TNKS: variants seen among roughly 807,000 people sequenced by gnomAD.
The protein encoded by TNKS is tankyrase, also known as poly [ADP-ribose] polymerase tankyrase-1.
In TNKS, 72 loss-of-function variants were observed where a neutral mutation model predicts 135.8. The observed-to-expected ratio is 0.53, with a 90% CI of 0.44 to 0.64. The LOEUF is 0.64. Ranked by LOEUF, TNKS falls within the 30% of genes least tolerant of loss-of-function variation. The pLI, the probability that TNKS is intolerant of heterozygous loss-of-function variation, is 0.00. For missense variants in TNKS, 1,769 were observed against 1,674.0 expected (o/e 1.06, Z -0.99); for synonymous variants, 849 against 649.3 (o/e 1.31, Z -4.68).
intron 14 of TNKS, 61 bp downstream of exon 14, chr8:9,731,096 A>C: frequency 4.9e-6 from 7 of 1,442,880 alleles, no homozygotes; most frequent in Non-Finnish European, 6.4e-6. Context: ...AATTTAAAAT[A>C]TTTTTGAAGT....
intron 2 of TNKS, among the ~76,000 whole-genome samples, chr8:9,614,497 TG>T (rs1340642821): frequency 1.3e-5 from 2 of 152,202 alleles, no homozygotes; most frequent in Admixed American, 6.5e-5. Context: ...ATTGATTTTA[TG>T]GCTAATACAT....
intron 11 of TNKS, 61 bp downstream of exon 11, chr8:9,710,281 A>G (rs556142706): frequency 2.7e-6 from 4 of 1,478,484 alleles, no homozygotes; most frequent in Middle Eastern, 1.7e-4. Context: ...TGCTCTTAAC[A>G]CTGCTTCTCT....
intron 3 of TNKS, among the ~76,000 whole-genome samples, chr8:9,667,796 A>C (rs1162889267): frequency 6.8e-6 from 1 of 147,922 alleles, no homozygotes; most frequent in Non-Finnish European, 1.5e-5. Context: ...CATTGACTTT[A>C]GTGAAGTCTG....
chr8:9,735,328 T>A, intron 16 of TNKS, 49 bp from the exon 17 acceptor site: 6 of 1,535,272 alleles, frequency 3.9e-6, no homozygotes, highest in Non-Finnish European at 4.5e-6. Context: ...GTATGTATTT[T>A]TTTTCCTTTA....
chr8:9,703,435 T>G (rs1205320856), intron 5 of TNKS, among the ~76,000 whole-genome samples: 1 of 152,230 alleles, frequency 6.6e-6, no homozygotes, highest in African/African-American at 2.4e-5. Context: ...ATCTCCATTT[T>G]ATACATGAAG....
intron 3 of TNKS, among the ~76,000 whole-genome samples, chr8:9,673,196 T>TA (rs1393340992): frequency 2.0e-5 from 3 of 152,182 alleles, no homozygotes; most frequent in Non-Finnish European, 2.9e-5. Flanking sequence ...TCTTAGATGT[T>TA]ACTCGTACTA....
intron 5 of TNKS, among the ~76,000 whole-genome samples, chr8:9,694,130 G>A (rs1160898518): frequency 6.6e-6 from 1 of 152,080 alleles, no homozygotes; most frequent in Non-Finnish European, 1.5e-5. Flanking sequence ...GAAATGCATC[G>A]AACATCACAC....
chr8:9,679,978 A>T lies in TNKS; in HGVS notation c.1022A>T (p.Glu341Val), dbSNP rs1009050172. ...GAATACAAGAAAGACGAACTCCTAG[A>T]AGCTGCTAGGTAAGTGATTCCATTC... ...TGEYKKDELL[E>V]AARSGNEEKL... The change falls in exon 4 of 27, where the codon GAA becomes GTA. Residue 341 changes from glutamate to valine, a missense_variant. Physicochemically the swap from Glu to Val is moderately radical, Grantham distance 121. Coordinates refer to ENST00000310430, the MANE Select transcript of TNKS (RefSeq NM_003747.3). 1.2e-6 allele frequency: 2 copies of T among 1,611,998 alleles called. No individual in the cohort carries two copies. Among genetic ancestry groups the T allele is most frequent in the African/African-American group, 2.7e-5 (2 of 74,900 alleles).
At chr8:9,587,404 T>C (rs1247381265) in intron 2 of TNKS, among the ~76,000 whole-genome samples, 1 of 151,698 alleles carries the variant, frequency 6.6e-6, no homozygotes, top group Non-Finnish European at 1.5e-5. Flanking sequence ...TTGATTTTTT[T>C]TTTTTTTTTT....
intron 3 of TNKS, among the ~76,000 whole-genome samples, chr8:9,654,174 G>A (rs1217004746): frequency 6.6e-6 from 1 of 152,152 alleles, no homozygotes; most frequent in Non-Finnish European, 1.5e-5. Flanking sequence ...CTGTGATTGG[G>A]AACTGCACCA....
At chr8:9,632,173 C>T (rs1300432043) in intron 3 of TNKS, among the ~76,000 whole-genome samples, 4 of 152,136 alleles carry the variant, frequency 2.6e-5, no homozygotes, top group African/African-American at 9.7e-5. Context: ...AATTCAACTG[C>T]AGTTTTTGCC....
chr8:9,714,482 A>C (rs1036136131), intron 11 of TNKS, among the ~76,000 whole-genome samples: 1 of 152,124 alleles, frequency 6.6e-6, no homozygotes, highest in Non-Finnish European at 1.5e-5. Context: ...CCCTTTAATT[A>C]TCTAAATTTT....
chr8:9,625,138 G>T (rs566467447), intron 3 of TNKS, among the ~76,000 whole-genome samples: 84 of 152,088 alleles, frequency 5.5e-4, no homozygotes, highest in Non-Finnish European at 9.4e-4. Flanking sequence ...ATTTCTTCTT[G>T]TGTGAGTCTT....
intron 13 of TNKS, 113 bp from the exon 14 acceptor site, chr8:9,730,777 T>C: frequency 8.3e-7 from 1 of 1,207,184 alleles, no homozygotes; most frequent in Non-Finnish European, 1.2e-6. Flanking sequence ...AAATAAATAT[T>C]CATTAGACAA....
intron 3 of TNKS, among the ~76,000 whole-genome samples, chr8:9,617,310 C>G (rs1004869689): frequency 1.3e-5 from 2 of 152,168 alleles, no homozygotes; most frequent in African/African-American, 4.8e-5. Context: ...TTAAAGCCAT[C>G]TAACACTGTA....
chr8:9,759,639 G>A (rs1042945971), intron 20 of TNKS, among the ~76,000 whole-genome samples: 1 of 152,132 alleles, frequency 6.6e-6, no homozygotes, highest in African/African-American at 2.4e-5. Context: ...CTGGCCTGGT[G>A]TCTGCTTCCT....
chr8:9,778,864 A>C lies in TNKS; in HGVS notation c.*2128A>C, dbSNP rs2046166716. ...ATATGATATAGATATGGAAAGCTTT[A>C]TGGCTTCATTAAAAAGATAAACCAC... On this transcript the variant is annotated 3_prime_UTR_variant, in exon 27 of 27. Coordinates refer to ENST00000310430, the MANE Select transcript of TNKS (RefSeq NM_003747.3). The C allele has an allele frequency of 6.6e-6, 1 of 152,244 alleles. No homozygotes were observed. Among genetic ancestry groups the C allele is most frequent in the African/African-American group, 2.4e-5 (1 of 41,472 alleles). The allele number at this position is 152,244 out of a possible 1,614,324, so 9.4% of individuals were successfully genotyped here.
At chr8:9,755,767 T>C (rs1162599665) in intron 20 of TNKS, among the ~76,000 whole-genome samples, 2 of 152,168 alleles carry the variant, frequency 1.3e-5, no homozygotes, top group Non-Finnish European at 2.9e-5. Flanking sequence ...CTATGTCTCA[T>C]TGCCTGTGTT....
chr8:9,656,027 C>T (rs1166144505), intron 3 of TNKS, among the ~76,000 whole-genome samples: 1 of 151,976 alleles, frequency 6.6e-6, no homozygotes, highest in Non-Finnish European at 1.5e-5. Flanking sequence ...ACTAGAATAA[C>T]CAATGCAGAG....
Sources: allele counts gnomAD v4.1 joint callset (sites outside exome capture counted in the v4.1 genomes callset), GRCh38; gene constraint gnomAD v4.1.1; transcripts MANE v1.5; gene names NCBI Gene and HGNC (gene_info 2026-07-23, HGNC 2026-07-21).